MCM5: variants seen among roughly 807,000 people sequenced by gnomAD.
The protein encoded by MCM5 is minichromosome maintenance complex component 5, also known as DNA replication licensing factor MCM5.
In MCM5, 46 loss-of-function variants were observed where a neutral mutation model predicts 79.9. The ratio of observed to expected loss-of-function variants is 0.58; its 90% CI spans 0.45 to 0.74. The LOEUF (loss-of-function observed/expected upper bound fraction) is 0.74, where lower values mean the gene tolerates loss of function less well. MCM5 is among the 30% of genes least tolerant of loss of function. MCM5 has a pLI of 0.00. For synonymous variants in MCM5, 404 were observed against 390.5 expected (o/e 1.03, Z -0.41); for missense variants, 883 against 1,017.0 (o/e 0.87, Z 1.79).
At chr22:35,428,968 AC>A (rs1396538982), downstream of MCM5, among the ~76,000 whole-genome samples, 4 of 52,132 alleles carry the variant, frequency 7.7e-5, no homozygotes, top group Admixed American at 7.9e-4. Context: ...CTTTTCTTTG[AC>A]CTTTTTTTTT....
At chr22:35,431,557 CCA>C in the MCM5 span, among the ~76,000 whole-genome samples, 1 of 152,150 alleles carries the variant, frequency 6.6e-6, no homozygotes, top group South Asian at 2.1e-4. Flanking sequence ...CTGGAGGTGA[CCA>C]CAGTGATAGT....
In MCM5 at chr22:35,419,878, C is replaced by T; in HGVS notation, c.1704-6C>T. ...CTCACACCAGCCTCTCCCCACTGTCCTGCAGGAAGTGTGGCCCCCGGCTGT... is the reference window on the plus strand; with the variant it reads ...CTCACACCAGCCTCTCCCCACTGTCTTGCAGGAAGTGTGGCCCCCGGCTGT... On this transcript the variant is annotated splice_polypyrimidine_tract_variant and splice_region_variant and intron_variant, in intron 13 of 16. Coordinates refer to ENST00000216122, the MANE Select transcript of MCM5 (RefSeq NM_006739.4). The T allele has an allele frequency of 6.2e-7, 1 of 1,609,348 alleles. No homozygotes were observed. The highest frequency in any genetic ancestry group is 1.1e-5 in the South Asian group (1 of 90,254).
At chr22:35,436,308 C>T in the MCM5 span, among the ~76,000 whole-genome samples, 8 of 152,170 alleles carry the variant, frequency 5.3e-5, no homozygotes, top group African/African-American at 1.7e-4. Context: ...CGCATGGGCC[C>T]CAGAGGCTTC....
chr22:35,419,840 A>C (rs1436644335), intron 13 of MCM5, 44 bp from the exon 14 acceptor site: 2 of 1,553,538 alleles, frequency 1.3e-6, no homozygotes, highest in Non-Finnish European at 1.7e-6. Context: ...GTGCCCTAAG[A>C]GTCCCTCCTG....
chr22:35,432,749 T>G, the MCM5 span, among the ~76,000 whole-genome samples: 1 of 144,562 alleles, frequency 6.9e-6, no homozygotes, highest in African/African-American at 2.6e-5. Context: ...TGGAGGAGAG[T>G]GGAGGGGGTT....
chr22:35,415,590 A>G (rs1252276324), intron 9 of MCM5, among the ~76,000 whole-genome samples: 1 of 152,234 alleles, frequency 6.6e-6, no homozygotes, highest in African/African-American at 2.4e-5. Flanking sequence ...GGTGAGGCTT[A>G]GGTGAGCCAT....
intron 12 of MCM5, among the ~76,000 whole-genome samples, chr22:35,417,164 CAT>C (rs1932568398): frequency 6.6e-6 from 1 of 152,166 alleles, no homozygotes; most frequent in Admixed American, 6.5e-5. Flanking sequence ...AAGAAAAAAA[CAT>C]AGTGGTTTAT....
Position 35,415,983 on chromosome 22 carries a change from T to A in MCM5, c.1347+11T>A. On this transcript the variant is annotated intron_variant, in intron 10 of 16. Coordinates refer to ENST00000216122, the MANE Select transcript of MCM5 (RefSeq NM_006739.4). ...GACGAGTTTGACAAGGTGAGTCTGA[T>A]GAGGTGGGTAGTAGCCAAAAGGTGG... The A allele has an allele frequency of 6.2e-7, 1 of 1,610,174 alleles. No individual in the cohort carries two copies. The highest frequency in any genetic ancestry group is 8.5e-7 in the Non-Finnish European group (1 of 1,176,646).
At chr22:35,448,210 C>T in the MCM5 span, among the ~76,000 whole-genome samples, 3 of 152,200 alleles carry the variant, frequency 2.0e-5, no homozygotes, top group East Asian at 1.9e-4. Context: ...ATGATCAAAG[C>T]GCCTGCCTCG....
chr22:35,431,989 T>C, the MCM5 span, among the ~76,000 whole-genome samples: 1 of 152,202 alleles, frequency 6.6e-6, no homozygotes, highest in Non-Finnish European at 1.5e-5. Flanking sequence ...TGGCATTTGT[T>C]GATTCATCCG....
chr22:35,444,832 A>G, the MCM5 span, among the ~76,000 whole-genome samples: 2 of 152,168 alleles, frequency 1.3e-5, no homozygotes, highest in South Asian at 2.1e-4. Context: ...TGGGCGATGT[A>G]GCAAGACCCT....
the MCM5 span, among the ~76,000 whole-genome samples, chr22:35,435,888 C>T: frequency 1.3e-5 from 2 of 152,068 alleles, no homozygotes; most frequent in Admixed American, 6.5e-5. Flanking sequence ...AGGAAATGGC[C>T]GGGCGCGGTG....
At chr22:35,439,233 A>G in the MCM5 span, among the ~76,000 whole-genome samples, 1 of 151,766 alleles carries the variant, frequency 6.6e-6, no homozygotes, top group East Asian at 1.9e-4. Flanking sequence ...CCAAATATTC[A>G]TCCATCCATC....
At chr22:35,445,174 C>T in the MCM5 span, among the ~76,000 whole-genome samples, 1 of 152,196 alleles carries the variant, frequency 6.6e-6, no homozygotes, top group Admixed American at 6.5e-5. Context: ...TCAGTTGTCT[C>T]ATCTGTGAAA....
rs1569061941 is a variant in MCM5, at chr22:35,400,463, A to AT, written c.29dup (p.Tyr11LeufsTer48). 1 of 1,614,008 alleles carries AT rather than the reference A, an allele frequency of 6.2e-7. No homozygotes were observed. Among genetic ancestry groups the AT allele is most frequent in the African/African-American group, 1.3e-5 (1 of 75,030 alleles). On this transcript the variant is annotated frameshift_variant, in exon 2 of 17. Coordinates refer to ENST00000216122, the MANE Select transcript of MCM5 (RefSeq NM_006739.4). LOFTEE classifies it high-confidence loss of function. ...CATGTCGGGATTCGACGATCCTGGC[A>AT]TTTTCTACAGCGACAGCTTCGGGGG...
downstream of MCM5, among the ~76,000 whole-genome samples, chr22:35,429,205 T>G (rs1932797331): frequency 6.6e-6 from 1 of 151,800 alleles, no homozygotes; most frequent in South Asian, 2.1e-4. Flanking sequence ...AGGCTGGTCT[T>G]GATCTCCTGA....
At chr22:35,419,557 G>A (rs2145799848) in intron 13 of MCM5, among the ~76,000 whole-genome samples, 1 of 152,328 alleles carries the variant, frequency 6.6e-6, no homozygotes, top group East Asian at 1.9e-4. Flanking sequence ...TTCATTACAT[G>A]TATGGGGGAC....
rs1932416946 is a variant in MCM5, at chr22:35,412,610, C to T, written c.1020C>T (p.Ala340=). ...NVYEVISKSI[A]PSIFGGTDMK... The stretch of plus-strand genomic sequence containing the variant: ...ATGAGGTCATCTCCAAGAGCATCGC[C>T]CCCTCCATCTTTGGGGGCACAGACA... Residue 340 remains alanine, a synonymous_variant, in exon 8 of 17, where the codon GCC becomes GCT. Transcript: ENST00000216122. 8 of 1,584,866 alleles carry T rather than the reference C, an allele frequency of 5.0e-6. No homozygotes were observed. Among genetic ancestry groups the T allele is most frequent in the African/African-American group, 1.4e-5 (1 of 73,726 alleles).
chr22:35,405,339 G>C (rs1470499555), intron 4 of MCM5, among the ~76,000 whole-genome samples: 1 of 151,336 alleles, frequency 6.6e-6, no homozygotes, highest in Non-Finnish European at 1.5e-5. Flanking sequence ...ATTTGATCTG[G>C]AACTATTTCT....
Sources: gnomAD v4.1 joint callset for allele counts (sites outside exome capture counted in the v4.1 genomes callset) on GRCh38, gnomAD v4.1.1 for gene constraint, MANE v1.5 for transcripts, NCBI Gene and HGNC (gene_info 2026-07-23, HGNC 2026-07-21) for gene names.